PTPRM: variants seen among roughly 807,000 people sequenced by gnomAD.
The protein encoded by PTPRM is protein tyrosine phosphatase receptor type M, also known as receptor-type tyrosine-protein phosphatase mu.
In PTPRM, 47 loss-of-function variants were observed where a neutral mutation model predicts 186.7. That is an observed-to-expected ratio of 0.25 (90% CI 0.20 to 0.32). PTPRM has a LOEUF of 0.32. Ranked by LOEUF, PTPRM falls within the 10% of genes least tolerant of loss-of-function variation. The probability of loss-of-function intolerance (pLI) is 1.00; values close to 1 mark genes in which losing one functional copy is unlikely to be tolerated. For synonymous variants in PTPRM, 668 were observed against 674.9 expected (o/e 0.99, Z 0.16); for missense variants, 1,494 against 1,865.0 (o/e 0.80, Z 3.66).
chr18:8,093,592 G>A (rs2090866384), intron 11 of PTPRM, among the ~76,000 whole-genome samples: 1 of 152,052 alleles, frequency 6.6e-6, no homozygotes. Flanking sequence ...CAGTTTATTT[G>A]TGCATTTGCA....
intron 8 of PTPRM, among the ~76,000 whole-genome samples, chr18:8,070,853 A>C (rs2089430463): frequency 6.6e-6 from 1 of 152,220 alleles, no homozygotes; most frequent in African/African-American, 2.4e-5. Flanking sequence ...CCTAAGAAAA[A>C]TAGTTGTTTA....
At chr18:7,966,421 G>C (rs2054056116) in intron 7 of PTPRM, among the ~76,000 whole-genome samples, 1 of 152,146 alleles carries the variant, frequency 6.6e-6, no homozygotes, top group Non-Finnish European at 1.5e-5. Flanking sequence ...CATATTTATA[G>C]TCAGCATTGA....
chr18:7,696,466 T>C (rs565852947), intron 1 of PTPRM, among the ~76,000 whole-genome samples: 7 of 152,358 alleles, frequency 4.6e-5, no homozygotes, highest in African/African-American at 1.7e-4. Flanking sequence ...TTATCACTTT[T>C]CTGGCATATT....
intron 1 of PTPRM, among the ~76,000 whole-genome samples, chr18:7,641,469 C>T (rs1257797065): frequency 6.6e-6 from 1 of 152,094 alleles, no homozygotes; most frequent in African/African-American, 2.4e-5. Context: ...TGTTTAAGTT[C>T]TCTCACTCAT....
At chr18:7,868,792 G>A (rs960026205) in intron 2 of PTPRM, among the ~76,000 whole-genome samples, 3 of 152,128 alleles carry the variant, frequency 2.0e-5, no homozygotes, top group Admixed American at 6.5e-5. Flanking sequence ...CTGAAGCTGC[G>A]CCCACAGCCA....
At chr18:8,180,012 G>C (rs970484578) in intron 14 of PTPRM, among the ~76,000 whole-genome samples, 14 of 151,732 alleles carry the variant, frequency 9.2e-5, no homozygotes, top group Non-Finnish European at 1.9e-4. Flanking sequence ...TCTACGTACT[G>C]TGACTGCTAA....
chr18:7,878,346 C>T (rs141306860), intron 2 of PTPRM, among the ~76,000 whole-genome samples: 9 of 152,292 alleles, frequency 5.9e-5, no homozygotes, highest in Admixed American at 4.6e-4. Flanking sequence ...CACTGACTCA[C>T]CTTGTTAAAT....
intron 1 of PTPRM, among the ~76,000 whole-genome samples, chr18:7,657,807 A>C (rs2038886793): frequency 6.6e-6 from 1 of 152,242 alleles, no homozygotes; most frequent in East Asian, 1.9e-4. Context: ...GTTTATCAAG[A>C]AGTCTCTTTC....
rs56724615 is a variant in PTPRM at position 7,884,924 on chromosome 18, C to CAAAAAAAA, written c.197-3162_197-3155dup. 9.5e-4 allele frequency among the ~76,000 whole-genome samples: 36 copies of CAAAAAAAA among 37,844 alleles called. 3 individuals are homozygous for CAAAAAAAA. The highest frequency in any genetic ancestry group is 1.4e-3 in the Non-Finnish European group (30 of 21,012). 24.8% of individuals were successfully genotyped at this position (37,844 alleles called of 152,430 possible). ...GGGCGACGAGAGCAAAGCTCCATCTCAAAAAAAAAAAAAAAAAAAAAAAAA... is the reference window on the plus strand; with the variant it reads ...GGGCGACGAGAGCAAAGCTCCATCTCAAAAAAAAAAAAAAAAAAAAAAAAAAAAAAAAA... On this transcript the variant is annotated intron_variant, in intron 2 of 32. Transcript: ENST00000580170.
At chr18:8,288,824 T>A (rs1209299764) in intron 19 of PTPRM, among the ~76,000 whole-genome samples, 1 of 152,120 alleles carries the variant, frequency 6.6e-6, no homozygotes, top group Admixed American at 6.5e-5. Context: ...TGGAGCAAAT[T>A]TGAAGAGAAA....
intron 19 of PTPRM, among the ~76,000 whole-genome samples, chr18:8,280,172 C>T (rs1221321697): frequency 1.3e-5 from 2 of 152,072 alleles, no homozygotes; most frequent in African/African-American, 2.4e-5. Flanking sequence ...GCATGGTTGG[C>T]GTCCTCTCCT....
chr18:8,353,036 T>C (rs974660946), intron 23 of PTPRM, among the ~76,000 whole-genome samples: 1 of 152,174 alleles, frequency 6.6e-6, no homozygotes, highest in Non-Finnish European at 1.5e-5. Context: ...CAGCCTACCA[T>C]TGATGGACAC....
intron 2 of PTPRM, among the ~76,000 whole-genome samples, chr18:7,833,837 G>C (rs543690312): frequency 6.6e-6 from 1 of 152,264 alleles, no homozygotes; most frequent in Non-Finnish European, 1.5e-5. Context: ...CAACTTTACT[G>C]AATTTATGAG....
intron 14 of PTPRM, among the ~76,000 whole-genome samples, chr18:8,195,494 T>C (rs981984440): frequency 6.6e-6 from 1 of 152,222 alleles, no homozygotes; most frequent in Non-Finnish European, 1.5e-5. Context: ...CAACCTCGTA[T>C]GCATCAGTGG....
intron 23 of PTPRM, among the ~76,000 whole-genome samples, chr18:8,363,402 C>G (rs2095608670): frequency 6.6e-6 from 1 of 152,168 alleles, no homozygotes; most frequent in Non-Finnish European, 1.5e-5. Flanking sequence ...GACCCTGACA[C>G]ATGTGAAGAC....
chr18:8,100,046 A>G (rs1264677463), intron 11 of PTPRM, among the ~76,000 whole-genome samples: 2 of 152,170 alleles, frequency 1.3e-5, no homozygotes, highest in Non-Finnish European at 2.9e-5. Flanking sequence ...ACTTAAGACC[A>G]TGGCGGAAGA....
intron 14 of PTPRM, among the ~76,000 whole-genome samples, chr18:8,225,225 ATT>A (rs1382004421): frequency 1.3e-5 from 2 of 152,168 alleles, no homozygotes; most frequent in Non-Finnish European, 2.9e-5. Flanking sequence ...TTATTTACCA[ATT>A]TCAGAATGAG....
At chr18:8,353,611 G>A (rs180811899) in intron 23 of PTPRM, among the ~76,000 whole-genome samples, 1 of 152,054 alleles carries the variant, frequency 6.6e-6, no homozygotes. Context: ...TTGCTATAAA[G>A]GATATTAACC....
chr18:7,919,410 A>AT (rs1488903537), intron 4 of PTPRM, among the ~76,000 whole-genome samples: 1 of 152,110 alleles, frequency 6.6e-6, no homozygotes, highest in Non-Finnish European at 1.5e-5. Flanking sequence ...AATTATTGAA[A>AT]CAAATCATAA....
Sources: allele counts gnomAD v4.1 joint callset (sites outside exome capture counted in the v4.1 genomes callset), GRCh38; gene constraint gnomAD v4.1.1; transcripts MANE v1.5; gene names NCBI Gene and HGNC (gene_info 2026-07-23, HGNC 2026-07-21).